Variants in C1S observed in about 807,000 individuals in gnomAD.
C1S encodes the protein complement C1s subcomponent.
Under a neutral mutation model 54.0 loss-of-function variants are expected in C1S, and 31 were observed. The ratio of observed to expected loss-of-function variants is 0.57; its 90% CI spans 0.43 to 0.78. The LOEUF is 0.78. Among genes scored for constraint, C1S ranks in the 30% least tolerant of loss-of-function variants. The pLI is 0.00. For synonymous variants in C1S, 292 were observed against 303.6 expected (o/e 0.96, Z 0.40); for missense variants, 727 against 851.8 (o/e 0.85, Z 1.82).
Position 7,063,023 on chromosome 12 carries a change from A to G in C1S, c.347A>G (p.Asn116Ser), listed in dbSNP as rs782390414. 50 of 1,613,982 alleles carry G rather than the reference A, an allele frequency of 3.1e-5. No individual in the cohort carries two copies. The highest frequency in any genetic ancestry group is 1.3e-4 in the East Asian group (6 of 44,888). ...LQVIFKSDFS[N>S]EERFTGFAAY... Reference sequence around the variant, plus strand: ...GTGATCTTTAAGTCAGACTTTTCCAATGAAGAGCGTTTTACGGGGTTTGCT... The same window carrying G: ...GTGATCTTTAAGTCAGACTTTTCCAGTGAAGAGCGTTTTACGGGGTTTGCT... Residue 116 changes from asparagine (N) to serine (S), a missense_variant, in exon 4 of 12, where the codon AAT (asparagine) becomes AGT (serine). Asn to Ser is a conservative substitution (Grantham distance 46). Coordinates refer to ENST00000360817, the MANE Select transcript of C1S (RefSeq NM_001734.5).
At position 7,067,049 on chromosome 12, in the gene C1S, G is replaced by C; in HGVS notation, c.998G>C (p.Gly333Ala). 1 of 1,611,426 alleles carries C rather than the reference G, an allele frequency of 6.2e-7. No homozygotes were observed. The highest frequency in any genetic ancestry group is 8.5e-7 in the Non-Finnish European group (1 of 1,177,524). ...DGFEVVEGRV[G>A]ATSFYSTCQS... ...TTTATTATTCTCCAGGGACGTGTTG[G>C]TGCAACATCTTTCTATTCGACTTGT... The change falls in exon 9 of 12, where the codon GGT becomes GCT. Residue 333 changes from glycine (G) to alanine (A), a missense_variant. Coordinates refer to ENST00000360817, the MANE Select transcript of C1S (RefSeq NM_001734.5).
At chr12:7,065,629 C>G (rs1202347977) in intron 6 of C1S, among the ~76,000 whole-genome samples, 188 bp from the exon 7 acceptor site, 2 of 152,136 alleles carry the variant, frequency 1.3e-5, no homozygotes, top group African/African-American at 4.8e-5. Context: ...CTCGGCCTCC[C>G]AAAGTGCTGG....
chr12:7,063,528 C>A, intron 4 of C1S: 1 of 340,450 alleles, frequency 2.9e-6, no homozygotes, highest in Non-Finnish European at 6.0e-6. Context: ...ACTTCTGTAT[C>A]TCTCTCTAGG....
Position 7,068,544 on chromosome 12 carries a change from A to G in C1S, c.1270+14A>G. On this transcript the variant is annotated intron_variant, in intron 11 of 11. Coordinates refer to ENST00000360817, the MANE Select transcript of C1S (RefSeq NM_001734.5). ...AATGTGTTCCAGGTAAGGAGGGCTG[A>G]GGCTTGGGGAGAGATGATAGCCATG... 6.3e-7 allele frequency: 1 copy of G among 1,588,846 alleles called. No homozygotes were observed. The highest frequency in any genetic ancestry group is 8.6e-7 in the Non-Finnish European group (1 of 1,157,160).
chr12:7,070,852 T>C lies in C1S; in HGVS notation c.*201T>C. ...GGTCATACATTTGTGGTCTGACTCC[T>C]TGGGGTCCTTTCCCCGGAGTACCTA... On this transcript the variant is annotated 3_prime_UTR_variant, in exon 12 of 12. Transcript: ENST00000360817. This position sits in a 1 kb window ranked among gnomAD's most constrained non-coding sequence, Gnocchi z 4.9. 1.6e-6 allele frequency: 1 copy of C among 611,620 alleles called. No homozygotes were observed. The highest frequency in any genetic ancestry group is 2.9e-6 in the Non-Finnish European group (1 of 341,956). 37.9% of individuals were successfully genotyped at this position (611,620 alleles called of 1,614,324 possible). A position where few individuals can be genotyped will look rare whatever the true frequency, so the allele number is the denominator to read the frequency against.
intron 6 of C1S, 23 bp downstream of exon 6, chr12:7,065,322 C>T: frequency 1.3e-6 from 2 of 1,567,936 alleles, no homozygotes; most frequent in Non-Finnish European, 8.8e-7. Flanking sequence ...TGATTAATAC[C>T]CCACCCTTAA....
At chr12:7,067,360 C>T (rs1591579750) in intron 9 of C1S, 10 of 624,872 alleles carry the variant, frequency 1.6e-5, no homozygotes, top group South Asian at 9.2e-5. Context: ...AGTAGCCCCA[C>T]GTGGGTGCAT....
At chr12:7,061,083 C>G (rs1390191517) in intron 1 of C1S, 3 of 152,332 alleles carry the variant, frequency 2.0e-5, no homozygotes, top group Non-Finnish European at 4.4e-5. Context: ...AGGGTTAAAG[C>G]AATTTTAGCA....
chr12:7,063,801 G>A (rs953531501), intron 4 of C1S: 2 of 355,916 alleles, frequency 5.6e-6, no homozygotes, highest in African/African-American at 2.1e-5. Context: ...GAGGCAGGTG[G>A]ATTACCGGAG....
chr12:7,061,733 G>T, intron 1 of C1S, 106 bp from the exon 2 acceptor site: 1 of 709,538 alleles, frequency 1.4e-6, no homozygotes, highest in South Asian at 1.5e-5. Flanking sequence ...ATATGGCCCT[G>T]TGTGTTATAC....
rs1318973266 is a variant in C1S at position 7,070,746 on chromosome 12, A to T, written c.*95A>T. 10 of 1,045,364 alleles carry T rather than the reference A, an allele frequency of 9.6e-6. No homozygotes were observed. The East Asian group carries it at 2.4e-4, about 25-fold the overall frequency. 64.8% of individuals were successfully genotyped at this position (1,045,364 alleles called of 1,614,324 possible). On this transcript the variant is annotated 3_prime_UTR_variant, in exon 12 of 12. Transcript: ENST00000360817. The surrounding 1 kb of genome is among the most constrained non-coding windows in gnomAD (Gnocchi z 4.9). ...CTCATTATTTCATCATGACTGAAAG[A>T]AGACACGAGCGAATGATTTAAATAG...
chr12:7,068,884 T>C, intron 11 of C1S: 1 of 291,308 alleles, frequency 3.4e-6, no homozygotes, highest in East Asian at 6.7e-5. Flanking sequence ...CTAGTTATTA[T>C]ATTAAAAGTT....
Position 7,064,034 on chromosome 12 carries a change from T to A in C1S, c.392-233T>A, listed in dbSNP as rs16933078. 0.12 allele frequency: 68,566 copies of A among 566,880 alleles called. 4,457 individuals are homozygous for A. Among genetic ancestry groups the A allele is most frequent in the Non-Finnish European group, 0.13 (40,982 of 303,598 alleles). The allele number at this position is 566,880 out of a possible 1,614,324, so 35.1% of individuals were successfully genotyped here. A position where few individuals can be genotyped will look rare whatever the true frequency, so the allele number is the denominator to read the frequency against. ...CGGTGACAGAGTGAGGCTATGTCAC[T>A]TACACACACACACCCCCGAGCTTCC... is the stretch of plus-strand genomic sequence containing the variant. On this transcript the variant is annotated intron_variant, in intron 4 of 11. Coordinates refer to ENST00000360817, the MANE Select transcript of C1S (RefSeq NM_001734.5).
intron 11 of C1S, 64 bp from the exon 12 acceptor site, chr12:7,069,791 G>C: frequency 7.4e-7 from 1 of 1,343,396 alleles, no homozygotes; most frequent in Admixed American, 1.7e-5. Flanking sequence ...TGAGTGGTTG[G>C]AGGATTTGCA....
At chr12:7,063,480 C>T in intron 4 of C1S, 2 of 396,270 alleles carry the variant, frequency 5.0e-6, no homozygotes, top group South Asian at 1.8e-5. Flanking sequence ...TATTTAAACC[C>T]ATTCAATATA....
At chr12:7,062,103 C>G in intron 2 of C1S, 186 bp downstream of exon 2, 1 of 609,428 alleles carries the variant, frequency 1.6e-6, no homozygotes, top group Non-Finnish European at 2.9e-6. Context: ...GACCCTGTCT[C>G]TATTAAAAAA....
rs782443925 is a variant in C1S, at chr12:7,065,154, A to G, written c.572A>G (p.Asn191Ser). 4 of 1,614,146 alleles carry G rather than the reference A, an allele frequency of 2.5e-6. No individual in the cohort carries two copies. The highest frequency in any genetic ancestry group is 1.7e-5 in the Admixed American group (1 of 60,018). The change falls in exon 6 of 12, where the codon AAT becomes AGT. Residue 191 changes from asparagine (N) to serine (S), a missense_variant. Coordinates refer to ENST00000360817, the MANE Select transcript of C1S (RefSeq NM_001734.5). The part of the protein sequence containing the change: ...TALIGEIASP[N>S]YPKPYPENSR... ...CTGATTGGGGAGATTGCAAGTCCCA[A>G]TTATCCCAAACCATATCCAGAGAAC...
intron 4 of C1S, chr12:7,063,360 A>G: frequency 2.0e-6 from 1 of 502,150 alleles, no homozygotes; most frequent in Non-Finnish European, 3.9e-6. Flanking sequence ...TTTTAACACA[A>G]TCGTCACTTT....
chr12:7,065,539 C>CTTT lies in C1S; in HGVS notation c.717+249_717+251dup, dbSNP rs58858630. The CTTT allele has an allele frequency of 0.069, 35,641 of 516,252 alleles. 413 individuals are homozygous for CTTT. Among genetic ancestry groups the CTTT allele is most frequent in the Middle Eastern group, 0.097 (182 of 1,882 alleles). 32.0% of individuals were successfully genotyped at this position (516,252 alleles called of 1,614,324 possible). On this transcript the variant is annotated intron_variant, in intron 6 of 11. Transcript: ENST00000360817. ...CCCAGCTAATATTTTTATTGTTATT[C>CTTT]TTTTTTTTTTTACAGAGATGGGGTT... is the stretch of plus-strand genomic sequence containing the variant.
Sources: allele counts gnomAD v4.1 joint callset (sites outside exome capture counted in the v4.1 genomes callset), GRCh38; gene constraint gnomAD v4.1.1; non-coding constraint Gnocchi (gnomAD v3.1); transcripts MANE v1.5; gene names NCBI Gene and HGNC (gene_info 2026-07-23, HGNC 2026-07-21).